The following MICU2 variants were observed in gnomAD, a reference collection of about 807,000 sequenced individuals.
The protein encoded by MICU2 is calcium uptake protein 2, mitochondrial.
In MICU2, 64 loss-of-function variants were observed where a neutral mutation model predicts 60.4. The ratio of observed to expected loss-of-function variants is 1.06; its 90% CI spans 0.87 to 1.31. The LOEUF is 1.31. MICU2 is among the 50% of genes most tolerant of loss of function. The pLI, the probability that MICU2 is intolerant of heterozygous loss-of-function variation, is 0.00. For synonymous variants in MICU2, 201 were observed against 175.0 expected (o/e 1.15, Z -1.17); for missense variants, 569 against 531.0 (o/e 1.07, Z -0.70).
At chr13:21,511,987 A>C (rs983067810) in intron 7 of MICU2, among the ~76,000 whole-genome samples, 1 of 152,210 alleles carries the variant, frequency 6.6e-6, no homozygotes, top group African/African-American at 2.4e-5. Flanking sequence ...GATGCTGCCC[A>C]ACTGAGCTGC....
At chr13:21,496,365 G>T in intron 9 of MICU2, 1 of 480,566 alleles carries the variant, frequency 2.1e-6, no homozygotes, top group Non-Finnish European at 3.7e-6. Context: ...TGTGCAGGCT[G>T]GGCAAGAGGC....
chr13:21,522,526 T>G lies in MICU2; in HGVS notation c.514+77A>C, dbSNP rs111589729. ...ATGTTTTTAATGATAAAGACATAAA[T>G]GCCAAACTTTTAAAATCCTGTTTGG... On this transcript the variant is annotated intron_variant, in intron 5 of 11. Transcript: ENST00000382374. The G allele has an allele frequency of 7.0e-4, 815 of 1,168,076 alleles. 3 individuals carry two copies. In the African/African-American group the frequency reaches 0.011, roughly 16 times the overall value. The allele number at this position is 1,168,076 out of a possible 1,614,324, so 72.4% of individuals were successfully genotyped here.
At chr13:21,546,420 A>T (rs1481393080) in intron 2 of MICU2, among the ~76,000 whole-genome samples, 4 of 152,126 alleles carry the variant, frequency 2.6e-5, no homozygotes, top group South Asian at 2.1e-4. Flanking sequence ...ATTATATAAC[A>T]TGGGGGAGGG....
In MICU2 at chr13:21,541,312, T is replaced by C. The variant is rs140230449; in HGVS notation, c.359-1624A>G. ...GTAAAGAAGGTAATGTTTGCTTCCC[T>C]CCAGCTAGAAGTCTGGCTGCCAAAC... On this transcript the variant is annotated intron_variant, in intron 2 of 11. Transcript: ENST00000382374. 2.6e-5 allele frequency among the ~76,000 whole-genome samples: 4 copies of C among 152,198 alleles called. No individual in the cohort carries two copies. The East Asian group carries it at 5.8e-4, about 22-fold the overall frequency.
chr13:21,558,005 T>C (rs1430197229), intron 2 of MICU2, among the ~76,000 whole-genome samples: 2 of 152,232 alleles, frequency 1.3e-5, no homozygotes, highest in African/African-American at 4.8e-5. Context: ...AGTAGAGTCA[T>C]ATATTCCTGT....
chr13:21,494,077 A>G (rs1260945601), intron 11 of MICU2, among the ~76,000 whole-genome samples: 4 of 152,202 alleles, frequency 2.6e-5, no homozygotes, highest in African/African-American at 9.6e-5. Context: ...ACTCCCAGGT[A>G]CACTCAATTG....
At chr13:21,603,831 C>A in intron 1 of MICU2, 108 bp downstream of exon 1, 2 of 1,257,846 alleles carry the variant, frequency 1.6e-6, no homozygotes, top group Non-Finnish European at 1.1e-6. Context: ...AGCGGCACCT[C>A]CACCCACGGC....
chr13:21,568,840 TTC>T (rs1322682501), intron 1 of MICU2, among the ~76,000 whole-genome samples: 1 of 61,940 alleles, frequency 1.6e-5, no homozygotes, highest in Admixed American at 1.2e-4. Flanking sequence ...TTCAAAGAAA[TTC>T]TGTTTTTTTT....
chr13:21,539,307 T>C lies in MICU2; in HGVS notation c.461A>G (p.Asp154Gly). 6.2e-7 allele frequency: 1 copy of C among 1,613,502 alleles called. No individual in the cohort carries two copies. Among genetic ancestry groups the C allele is most frequent in the Non-Finnish European group, 8.5e-7 (1 of 1,179,814 alleles). The change falls in exon 4 of 12, where the codon GAT becomes GGT. Residue 154 changes from aspartate (D) to glycine (G), a missense_variant. Physicochemically the swap from Asp to Gly is moderately conservative, Grantham distance 94. Transcript: ENST00000382374. ...TAACAACAAACCAAAATTACCTTTA[T>C]CGCCAAGGTCTCTGAAAAAAGTTGA... is the stretch of plus-strand genomic sequence containing the variant. ...CGSTFFRDLGDKGLISYTEYL... is the reference protein window; with the variant it reads ...CGSTFFRDLGGKGLISYTEYL...
chr13:21,585,835 T>C (rs1888444252), intron 1 of MICU2, among the ~76,000 whole-genome samples: 1 of 152,182 alleles, frequency 6.6e-6, no homozygotes, highest in Non-Finnish European at 1.5e-5. Flanking sequence ...TTTAGTCAGA[T>C]TGTACTCACA....
At chr13:21,561,762 T>C (rs1460347624) in intron 2 of MICU2, among the ~76,000 whole-genome samples, 2 of 126,646 alleles carry the variant, frequency 1.6e-5, no homozygotes, top group Admixed American at 8.0e-5. Context: ...ATGTGCACAA[T>C]GTGCAGGTTA....
intron 1 of MICU2, among the ~76,000 whole-genome samples, chr13:21,587,760 G>A (rs959390976): frequency 1.3e-5 from 2 of 152,158 alleles, no homozygotes; most frequent in African/African-American, 4.8e-5. Context: ...ATGAACTAGG[G>A]ACTATACTAA....
intron 1 of MICU2, among the ~76,000 whole-genome samples, chr13:21,595,541 C>A (rs894376010): frequency 1.3e-5 from 2 of 152,188 alleles, no homozygotes; most frequent in African/African-American, 2.4e-5. Flanking sequence ...TTAGGCCACA[C>A]ACAACCCACC....
rs565143369 is a variant in MICU2 at position 21,497,297 on chromosome 13, G to A, written c.934-1137C>T. 6.0e-5 allele frequency among the ~76,000 whole-genome samples: 9 copies of A among 150,038 alleles called. 1 individual carries two copies. The South Asian group carries it at 1.3e-3, about 21-fold the overall frequency. Reference sequence around the variant, plus strand: ...GGAGAATTGTTTAAACCCGTGAGGCGGAGGCTACAGTGAGCCAAGATCGCG... The same window carrying A: ...GGAGAATTGTTTAAACCCGTGAGGCAGAGGCTACAGTGAGCCAAGATCGCG... On this transcript the variant is annotated intron_variant, in intron 9 of 11. Coordinates refer to ENST00000382374, the MANE Select transcript of MICU2 (RefSeq NM_152726.3).
chr13:21,513,485 C>A (rs1239635161), intron 7 of MICU2, among the ~76,000 whole-genome samples: 1 of 152,006 alleles, frequency 6.6e-6, no homozygotes, highest in African/African-American at 2.4e-5. Context: ...CACCTGTAAT[C>A]CCAGCAATTT....
chr13:21,529,803 G>C (rs1159756127), intron 4 of MICU2, among the ~76,000 whole-genome samples: 1 of 152,218 alleles, frequency 6.6e-6, no homozygotes, highest in Non-Finnish European at 1.5e-5. Context: ...CAGGAGCTGG[G>C]AGACTCTATA....
rs1249368273 is a variant in MICU2, at chr13:21,589,620, C to T, written c.210+14319G>A. Among the ~76,000 whole-genome samples, 5 of 152,120 alleles carry T rather than the reference C, an allele frequency of 3.3e-5. No individual in the cohort carries two copies. The South Asian group carries it at 1.0e-3, about 32-fold the overall frequency. On this transcript the variant is annotated intron_variant, in intron 1 of 11. Coordinates refer to ENST00000382374, the MANE Select transcript of MICU2 (RefSeq NM_152726.3). ...AACTTCCTCATAAAGCAACCTTTTTCGATTACCTGCTCCACCCTGACTCAT... is the reference window on the plus strand; with the variant it reads ...AACTTCCTCATAAAGCAACCTTTTTTGATTACCTGCTCCACCCTGACTCAT...
intron 2 of MICU2, among the ~76,000 whole-genome samples, chr13:21,551,931 TC>T (rs1274714506): frequency 1.3e-5 from 2 of 152,130 alleles, no homozygotes; most frequent in Non-Finnish European, 2.9e-5. Context: ...TGATTTATAA[TC>T]CTTTGGGTAT....
chr13:21,598,973 A>G (rs1359352951), intron 1 of MICU2, among the ~76,000 whole-genome samples: 1 of 152,122 alleles, frequency 6.6e-6, no homozygotes, highest in East Asian at 1.9e-4. Context: ...AGGTGAAAAG[A>G]GCATTACCAC....
Sources: gnomAD v4.1 joint callset for allele counts (sites outside exome capture counted in the v4.1 genomes callset) on GRCh38, gnomAD v4.1.1 for gene constraint, MANE v1.5 for transcripts, NCBI Gene and HGNC (gene_info 2026-07-23, HGNC 2026-07-21) for gene names.